Variants in SYMPK observed in about 807,000 individuals in gnomAD.
The protein encoded by SYMPK is symplekin.
Under a neutral mutation model 136.4 loss-of-function variants are expected in SYMPK, and 49 were observed. The observed-to-expected ratio is 0.36, with a 90% CI of 0.29 to 0.46. The LOEUF (loss-of-function observed/expected upper bound fraction) is 0.46, where lower values mean the gene tolerates loss of function less well. SYMPK is among the 20% of genes least tolerant of loss of function. The probability of loss-of-function intolerance (pLI) is 1.00; values close to 1 mark genes in which losing one functional copy is unlikely to be tolerated. For missense variants in SYMPK, 1,365 were observed against 1,690.0 expected (o/e 0.81, Z 3.37); for synonymous variants, 766 against 713.0 (o/e 1.07, Z -1.19).
rs1568605965 is a variant in SYMPK, at chr19:45,817,417, C to CTCTTTTTTTT, written c.3082-444_3082-443insAAAAAAAAGA. 1.4e-4 allele frequency among the ~76,000 whole-genome samples: 15 copies of CTCTTTTTTTT among 108,480 alleles called. 1 individual carries two copies. Among genetic ancestry groups the CTCTTTTTTTT allele is most frequent in the African/African-American group, 3.2e-4 (9 of 28,232 alleles). The allele number at this position is 108,480 out of a possible 152,430, so 71.2% of individuals were successfully genotyped here. On this transcript the variant is annotated intron_variant, in intron 23 of 26. Transcript: ENST00000245934. The stretch of plus-strand genomic sequence containing the variant: ...CTGCGGGGTTTGGTTTTTTTGTTCT[C>CTCTTTTTTTT]TTTTTTTTTTTTTTTTTTTTTTTTT...
chr19:45,842,725 TA>T (rs1413284166), intron 8 of SYMPK: 1 of 534,024 alleles, frequency 1.9e-6, no homozygotes, highest in Admixed American at 3.6e-5. Flanking sequence ...TTTTAGTAAA[TA>T]CATACAATTT....
intron 1 of SYMPK, among the ~76,000 whole-genome samples, chr19:45,857,473 T>C (rs1034243848): frequency 1.4e-5 from 2 of 140,294 alleles, no homozygotes; most frequent in East Asian, 4.3e-4. Context: ...AAAACAATAA[T>C]CTGAGGACGG....
intron 22 of SYMPK, chr19:45,820,947 T>C: frequency 1.7e-6 from 1 of 580,894 alleles, no homozygotes; most frequent in East Asian, 2.9e-5. Context: ...TCACCAACCC[T>C]GCCGCCCTGC....
intron 1 of SYMPK, among the ~76,000 whole-genome samples, chr19:45,861,196 A>C (rs1971958707): frequency 1.3e-5 from 2 of 152,150 alleles, no homozygotes; most frequent in South Asian, 4.1e-4. Context: ...CAAAAAATAA[A>C]ATAAAATAAA....
In SYMPK at chr19:45,847,511, C is replaced by G. The variant is rs558568190; in HGVS notation, c.676+241G>C. ...TCACTACAAACCTGTGAGAGTGGTACTATGTTATCGTCTCCAATTTACAAA... is the reference window on the plus strand; with the variant it reads ...TCACTACAAACCTGTGAGAGTGGTAGTATGTTATCGTCTCCAATTTACAAA... On this transcript the variant is annotated intron_variant, in intron 7 of 26. Coordinates refer to ENST00000245934, the MANE Select transcript of SYMPK (RefSeq NM_004819.3). Among the ~76,000 whole-genome samples, 10 of 151,918 alleles carry G rather than the reference C, an allele frequency of 6.6e-5. No homozygotes were observed. The East Asian group carries it at 1.7e-3, about 26-fold the overall frequency.
At chr19:45,834,433 T>C (rs961717589) in intron 11 of SYMPK, among the ~76,000 whole-genome samples, 1 of 149,240 alleles carries the variant, frequency 6.7e-6, no homozygotes, top group Non-Finnish European at 1.5e-5. Flanking sequence ...CACTCCAGCC[T>C]GGGCAACAGA....
At chr19:45,849,120 G>A (rs1323074359) in intron 5 of SYMPK, among the ~76,000 whole-genome samples, 1 of 152,198 alleles carries the variant, frequency 6.6e-6, no homozygotes, top group Non-Finnish European at 1.5e-5. Context: ...ATAAGGGACA[G>A]TAGGGGCAGA....
chr19:45,834,539 T>C (rs1275545124), intron 11 of SYMPK, among the ~76,000 whole-genome samples: 1 of 151,444 alleles, frequency 6.6e-6, no homozygotes, highest in Non-Finnish European at 1.5e-5. Context: ...TAAACATAAA[T>C]GAATTTCATG....
In SYMPK at chr19:45,823,840, G is replaced by A. The variant is rs781373464; in HGVS notation, c.2526C>T (p.Leu842=). ...RGMGMNSPEL[L]LLVENCPKGA... Reference sequence around the variant, plus strand: ...CCTTGGGACAATTTTCCACCAGCAGGAGCAGCTCCGGGGAGTTCATGCCCA... The same window carrying A: ...CCTTGGGACAATTTTCCACCAGCAGAAGCAGCTCCGGGGAGTTCATGCCCA... Residue 842 remains leucine (L), a synonymous_variant, in exon 19 of 27, where the codon CTC becomes CTT. Transcript: ENST00000245934. 2 of 1,613,994 alleles carry A rather than the reference G, an allele frequency of 1.2e-6. No individual in the cohort carries two copies. Among genetic ancestry groups the A allele is most frequent in the South Asian group, 1.1e-5 (1 of 91,086 alleles).
chr19:45,823,239 AC>A, intron 20 of SYMPK, 132 bp downstream of exon 20: 2 of 904,074 alleles, frequency 2.2e-6, no homozygotes, highest in Non-Finnish European at 3.5e-6. Context: ...ATGACTTCTG[AC>A]CACAGGCAAG....
chr19:45,835,533 G>A (rs938659014), intron 10 of SYMPK, among the ~76,000 whole-genome samples: 1 of 152,122 alleles, frequency 6.6e-6, no homozygotes, highest in Non-Finnish European at 1.5e-5. Flanking sequence ...ACAGGACAAG[G>A]TTTTGAGGTG....
chr19:45,827,884 T>C lies in SYMPK; in HGVS notation c.2020A>G (p.Ile674Val), dbSNP rs747537648. 12 of 1,614,008 alleles carry C rather than the reference T, an allele frequency of 7.4e-6. No individual in the cohort carries two copies. Among genetic ancestry groups the C allele is most frequent in the Non-Finnish European group, 1.0e-5 (12 of 1,180,024 alleles). ...FTKVVLEAPL[I>V]TESALEVVRK... ...ACCACCTCCAGGGCACTCTCTGTGA[T>C]GAGTGGCGCCTCCAGCACAACCTTG... Residue 674 changes from isoleucine (I) to valine (V), a missense_variant, in exon 15 of 27, where the codon ATC (isoleucine) becomes GTC (valine). By Grantham distance (29) the Ile-to-Val change is conservative (BLOSUM62 3). Coordinates refer to ENST00000245934, the MANE Select transcript of SYMPK (RefSeq NM_004819.3).
intron 8 of SYMPK, among the ~76,000 whole-genome samples, chr19:45,843,474 T>C (rs889416889): frequency 1.3e-5 from 2 of 152,100 alleles, no homozygotes; most frequent in South Asian, 4.1e-4. Context: ...ACTGGAATAT[T>C]TGAAAGTATT....
intron 9 of SYMPK, among the ~76,000 whole-genome samples, chr19:45,841,124 C>G (rs957986988): frequency 2.0e-5 from 3 of 151,810 alleles, no homozygotes; most frequent in Non-Finnish European, 2.9e-5. Flanking sequence ...GCAGCAACTA[C>G]AGGTGTGCAC....
chr19:45,844,590 G>A (rs1250182110), intron 7 of SYMPK, among the ~76,000 whole-genome samples: 1 of 151,808 alleles, frequency 6.6e-6, no homozygotes, highest in Non-Finnish European at 1.5e-5. Flanking sequence ...CAGGAGAATC[G>A]CTTGAACCCA....
intron 1 of SYMPK, among the ~76,000 whole-genome samples, chr19:45,860,928 T>C (rs1010826936): frequency 4.6e-5 from 7 of 152,246 alleles, no homozygotes; most frequent in African/African-American, 9.6e-5. Context: ...ACCAAAGGCA[T>C]ATAGCTTGTA....
chr19:45,822,706 G>T, intron 21 of SYMPK, 50 bp downstream of exon 21: 1 of 1,543,644 alleles, frequency 6.5e-7, no homozygotes, highest in Non-Finnish European at 8.9e-7. Flanking sequence ...TTCTGCCCCA[G>T]CACCTGGGGT....
chr19:45,841,983 AT>A (rs1301434286), intron 9 of SYMPK, among the ~76,000 whole-genome samples: 12 of 151,888 alleles, frequency 7.9e-5, no homozygotes, highest in African/African-American at 2.9e-4. Context: ...AAATACTGTA[AT>A]TTATTTTTAT....
intron 13 of SYMPK, 101 bp from the exon 14 acceptor site, chr19:45,829,306 G>A (rs1416230095): frequency 1.9e-6 from 2 of 1,054,730 alleles, no homozygotes; most frequent in Admixed American, 2.1e-5. Flanking sequence ...GGAACTCTCA[G>A]AGCAGACAAG....
Sources: gnomAD v4.1 joint callset for allele counts (sites outside exome capture counted in the v4.1 genomes callset) on GRCh38, gnomAD v4.1.1 for gene constraint, MANE v1.5 for transcripts, NCBI Gene and HGNC (gene_info 2026-07-23, HGNC 2026-07-21) for gene names.